The following PACSIN2 variants were observed in gnomAD, a reference collection of about 807,000 sequenced individuals.
PACSIN2 encodes protein kinase C and casein kinase substrate in neurons 2, also known as protein kinase C and casein kinase substrate in neurons protein 2.
Under a neutral mutation model 63.8 loss-of-function variants are expected in PACSIN2, and 25 were observed. The observed-to-expected ratio is 0.39, with a 90% CI of 0.29 to 0.55. The LOEUF (loss-of-function observed/expected upper bound fraction) is 0.55. Among genes scored for constraint, PACSIN2 ranks in the 20% least tolerant of loss-of-function variants. PACSIN2 has a pLI of 0.62. For missense variants in PACSIN2, 518 were observed against 646.9 expected (o/e 0.80, Z 2.16); for synonymous variants, 255 against 256.2 (o/e 1.00, Z 0.05).
chr22:42,921,591 C>A (rs1378353639), intron 1 of PACSIN2, among the ~76,000 whole-genome samples: 1 of 151,930 alleles, frequency 6.6e-6, no homozygotes, highest in Non-Finnish European at 1.5e-5. Flanking sequence ...CTTGAGGGAA[C>A]AAGAGAGAAA....
chr22:42,931,388 T>C (rs1317614010), intron 1 of PACSIN2, among the ~76,000 whole-genome samples: 2 of 151,962 alleles, frequency 1.3e-5, no homozygotes, highest in Non-Finnish European at 2.9e-5. Context: ...CCCAGGGAAG[T>C]GAGGAAATGG....
intron 1 of PACSIN2, among the ~76,000 whole-genome samples, chr22:42,971,891 G>A (rs1921335104): frequency 6.6e-6 from 1 of 151,646 alleles, no homozygotes; most frequent in South Asian, 2.1e-4. Context: ...TCGGGAGGTG[G>A]GGGGCAGCCT....
chr22:42,999,782 C>G (rs1483812799), intron 1 of PACSIN2, among the ~76,000 whole-genome samples: 1 of 152,168 alleles, frequency 6.6e-6, no homozygotes, highest in Non-Finnish European at 1.5e-5. Flanking sequence ...TGGGGGACCA[C>G]CAGTGCTTTG....
At chr22:42,889,948 T>A (rs1044163439) in intron 4 of PACSIN2, among the ~76,000 whole-genome samples, 2 of 151,746 alleles carry the variant, frequency 1.3e-5, no homozygotes, top group East Asian at 3.9e-4. Flanking sequence ...AGCAAGTTTA[T>A]TGAGAAAGTA....
Position 42,893,499 on chromosome 22 carries a change from G to C in PACSIN2, c.175C>G (p.Leu59Val). ...ARIEKAYAQQLTEWARRWRQL... is the reference protein window; with the variant it reads ...ARIEKAYAQQVTEWARRWRQL... ...CTCCAGCGCCGGGCCCACTCAGTGA[G>C]CTGCTGCGCATACGCCTTCTCGATG... The change falls in exon 3 of 11, where the codon CTC (leucine) becomes GTC (valine). Residue 59 changes from leucine to valine, a missense_variant. Physicochemically the swap from Leu to Val is conservative, Grantham distance 32. This residue lies in a region of PACSIN2 where 507 missense variants were observed against 612.3 expected (regional missense o/e 0.83). Transcript: ENST00000263246. 3 of 1,614,028 alleles carry C rather than the reference G, an allele frequency of 1.9e-6. No homozygotes were observed. The highest frequency in any genetic ancestry group is 2.5e-6 in the Non-Finnish European group (3 of 1,180,052).
chr22:42,878,916 G>A (rs2146638194), intron 8 of PACSIN2, 132 bp downstream of exon 8: 1 of 1,070,338 alleles, frequency 9.3e-7, no homozygotes, highest in South Asian at 1.9e-5. Context: ...TCCAGGCTGG[G>A]CCACGGCCCA....
At chr22:42,886,680 T>C (rs1203127431) in intron 5 of PACSIN2, among the ~76,000 whole-genome samples, 3 of 152,148 alleles carry the variant, frequency 2.0e-5, no homozygotes, top group Non-Finnish European at 4.4e-5. Context: ...TTTCCCAGGC[T>C]GTGTGCTGGA....
chr22:42,970,774 G>A (rs553085368), intron 1 of PACSIN2, among the ~76,000 whole-genome samples: 6 of 152,198 alleles, frequency 3.9e-5, no homozygotes, highest in Non-Finnish European at 5.9e-5. Context: ...GCAGGGCCCC[G>A]TGTAAGCTGA....
chr22:42,976,089 C>A (rs1285423883), intron 1 of PACSIN2, among the ~76,000 whole-genome samples: 1 of 152,172 alleles, frequency 6.6e-6, no homozygotes, highest in Non-Finnish European at 1.5e-5. Context: ...GAACATTCAT[C>A]ATCTTATTTT....
At chr22:42,880,120 T>A (rs1928962757) in intron 7 of PACSIN2, among the ~76,000 whole-genome samples, 1 of 152,174 alleles carries the variant, frequency 6.6e-6, no homozygotes. Context: ...ACAACTCTGA[T>A]TAAAACTTGG....
At chr22:42,914,116 G>A (rs530735002) in intron 1 of PACSIN2, among the ~76,000 whole-genome samples, 2 of 152,376 alleles carry the variant, frequency 1.3e-5, no homozygotes, top group South Asian at 4.1e-4. Context: ...CCAGTGAGGG[G>A]TTCTCCCACA....
chr22:42,944,083 G>T (rs1180491065), intron 1 of PACSIN2, among the ~76,000 whole-genome samples: 2 of 152,152 alleles, frequency 1.3e-5, no homozygotes, highest in Non-Finnish European at 1.5e-5. Context: ...GGCCACATCA[G>T]TAGTGAAAAG....
In PACSIN2 at chr22:42,975,564, A is replaced by C. The variant is rs182151801; in HGVS notation, c.-78+39457T>G. ...ATGAGTCTCTTTTTATAAAATTCAT[A>C]AACAAAAATAGAATATATTATTTAC... On this transcript the variant is annotated intron_variant, in intron 1 of 10. Coordinates refer to ENST00000263246, the MANE Select transcript of PACSIN2 (RefSeq NM_001184970.3). Among the ~76,000 whole-genome samples the C allele has an allele frequency of 3.9e-3, 591 of 150,902 alleles. 2 individuals are homozygous for C. The highest frequency in any genetic ancestry group is 6.3e-3 in the Non-Finnish European group (426 of 67,774).
At position 42,999,368 on chromosome 22, in the gene PACSIN2, C is replaced by A. The variant is rs557686615; in HGVS notation, c.-78+15653G>T. Among the ~76,000 whole-genome samples, 8 of 152,282 alleles carry A rather than the reference C, an allele frequency of 5.3e-5. No homozygotes were observed. In the East Asian group the frequency reaches 1.5e-3, roughly 29 times the overall value. On this transcript the variant is annotated intron_variant, in intron 1 of 10. Transcript: ENST00000263246. The stretch of plus-strand genomic sequence containing the variant: ...GTGTGTGTATGTGTGTGTACGGAGG[C>A]ATTAAAAAATCTGTCTACAGGCCAG...
At chr22:42,937,176 T>C (rs1388318468) in intron 1 of PACSIN2, among the ~76,000 whole-genome samples, 2 of 151,606 alleles carry the variant, frequency 1.3e-5, no homozygotes, top group Admixed American at 1.3e-4. Flanking sequence ...TAAGCGAGGA[T>C]GAGATAGGGA....
At chr22:42,925,466 C>T (rs991310713) in intron 1 of PACSIN2, among the ~76,000 whole-genome samples, 9 of 147,886 alleles carry the variant, frequency 6.1e-5, no homozygotes, top group Non-Finnish European at 8.9e-5. Flanking sequence ...GGCGACAGAG[C>T]AAGACTCCGT....
At chr22:42,879,236 C>T in intron 7 of PACSIN2, 67 bp from the exon 8 acceptor site, 1 of 1,556,324 alleles carries the variant, frequency 6.4e-7, no homozygotes, top group East Asian at 2.3e-5. Context: ...CGTCTGTCCT[C>T]AGTTCCTGCC....
rs200348918 is a variant in PACSIN2, at chr22:42,982,887, A to AAAAAAAAAAAAAAAAAAAAAAAC, written c.-78+32133_-78+32134insGTTTTTTTTTTTTTTTTTTTTTT. ...TGATCAATAAAAAAAAAAAAAAAAA[A>AAAAAAAAAAAAAAAAAAAAAAAC]AAACAACAACAAGGCTAGGAGCAGT... On this transcript the variant is annotated intron_variant, in intron 1 of 10. Coordinates refer to ENST00000263246, the MANE Select transcript of PACSIN2 (RefSeq NM_001184970.3). 1.0e-4 allele frequency among the ~76,000 whole-genome samples: 13 copies of AAAAAAAAAAAAAAAAAAAAAAAC among 129,568 alleles called. 1 individual carries two copies. The highest frequency in any genetic ancestry group is 1.7e-4 in the Non-Finnish European group (10 of 58,778). 85.0% of individuals were successfully genotyped at this position (129,568 alleles called of 152,430 possible). A position where few individuals can be genotyped will look rare whatever the true frequency, so the allele number is the denominator to read the frequency against.
intron 1 of PACSIN2, among the ~76,000 whole-genome samples, chr22:43,010,570 T>G (rs1429122268): frequency 6.6e-6 from 1 of 151,748 alleles, no homozygotes; most frequent in Admixed American, 6.6e-5. Context: ...ATTAGCCAAG[T>G]GTGGCGGCGG....
Sources: allele counts gnomAD v4.1 joint callset (sites outside exome capture counted in the v4.1 genomes callset), GRCh38; gene constraint gnomAD v4.1.1; regional missense constraint gnomAD v4.1.1; transcripts MANE v1.5; gene names NCBI Gene and HGNC (gene_info 2026-07-23, HGNC 2026-07-21).